MID1: variants seen among roughly 807,000 people sequenced by gnomAD.
MID1 encodes midline 1.
MID1 carries 7 observed loss-of-function variants against 40.4 expected under a neutral mutation model. The ratio of observed to expected loss-of-function variants is 0.17; its 90% confidence interval spans 0.10 to 0.33. The LOEUF is 0.33. Among genes scored for constraint, MID1 ranks in the 10% least tolerant of loss-of-function variants. MID1 has a pLI of 1.00. For synonymous variants in MID1, 229 were observed against 221.2 expected, an observed-to-expected ratio of 1.04 and a Z score of -0.31; for missense variants, 367 against 558.5, an observed-to-expected ratio of 0.66 and a Z score of 3.46.
At chrX:10,752,770 C>T (rs902371103) in intron 1 of MID1, among the ~76,000 whole-genome samples, 1 of 111,863 alleles carries the variant, frequency 8.9e-6, no homozygotes, top group African/African-American at 3.3e-5. Context: ...AGAGTCTTGA[C>T]CCTACTATGG....
At position 10,634,369 on chromosome X, in the gene MID1, G is replaced by A. The variant is rs1268546707; in HGVS notation, c.-186-13950C>T. 2.7e-5 allele frequency among the ~76,000 whole-genome samples: 3 copies of A among 111,539 alleles called. No homozygotes were observed. In the East Asian group the frequency reaches 8.4e-4, roughly 31 times the overall value. Reference sequence around the variant, plus strand: ...CATTTTACTGGAAATAAGCATATAAGTTGTAAAGTTTTTAAAAAGCCCCTT... The same window carrying A: ...CATTTTACTGGAAATAAGCATATAAATTGTAAAGTTTTTAAAAAGCCCCTT... On this transcript the variant is annotated intron_variant, in intron 1 of 10. Transcript: ENST00000380785.
chrX:10,799,159 G>A (rs1419930607), intron 1 of MID1, among the ~76,000 whole-genome samples: 2 of 111,432 alleles, frequency 1.8e-5, no homozygotes, highest in African/African-American at 3.3e-5. Flanking sequence ...CACCTGGCAG[G>A]CCACCAGTGC....
At chrX:10,702,952 C>T (rs913814791) in intron 1 of MID1, among the ~76,000 whole-genome samples, 4 of 111,625 alleles carry the variant, frequency 3.6e-5, no homozygotes, top group African/African-American at 6.5e-5. Flanking sequence ...GAGGCTGCAG[C>T]GAGCCAGGAA....
At chrX:10,709,225 AC>A (rs751081639) in intron 1 of MID1, among the ~76,000 whole-genome samples, 37 of 112,435 alleles carry the variant, frequency 3.3e-4, no homozygotes, top group Middle Eastern at 4.6e-3. Context: ...GAAGTTTTTA[AC>A]CTAAAAGTTG....
chrX:10,471,950 G>GA (rs111337485), intron 6 of MID1, among the ~76,000 whole-genome samples: 6,529 of 108,548 alleles, frequency 0.06, 387 homozygotes, highest in African/African-American at 0.18. Context: ...CATGTCATAG[G>GA]AAAAAAAAAA....
At chrX:10,516,116 T>C (rs140750430) in intron 3 of MID1, among the ~76,000 whole-genome samples, 3,282 of 108,108 alleles carry the variant, frequency 0.03, 80 homozygotes, top group African/African-American at 0.076. Context: ...GAAAACAAAA[T>C]AGAGTGGTTG....
chrX:10,729,994 G>T, intron 1 of MID1, among the ~76,000 whole-genome samples: 1 of 108,848 alleles, frequency 9.2e-6, no homozygotes, highest in Non-Finnish European at 1.9e-5. Flanking sequence ...TGAGGCGAGA[G>T]AATGGCGTGA....
chrX:10,527,620 C>T (rs1602351544), intron 2 of MID1, among the ~76,000 whole-genome samples: 1 of 111,270 alleles, frequency 9.0e-6, no homozygotes, highest in Middle Eastern at 4.6e-3. Context: ...CTTTTCACCC[C>T]AGGGCCTTAC....
chrX:10,816,326 T>A (rs1054539896), intron 1 of MID1, among the ~76,000 whole-genome samples: 1 of 112,208 alleles, frequency 8.9e-6, no homozygotes, highest in East Asian at 2.8e-4. Flanking sequence ...CTTCACGCAT[T>A]CACTGTTTGT....
chrX:10,501,038 C>T (rs914145018), intron 3 of MID1, among the ~76,000 whole-genome samples: 1 of 111,724 alleles, frequency 9.0e-6, no homozygotes, highest in African/African-American at 3.3e-5. Context: ...TGGCCGGGCG[C>T]GGTGGCTCAC....
At chrX:10,737,854 A>C (rs919139665) in intron 1 of MID1, among the ~76,000 whole-genome samples, 4 of 111,254 alleles carry the variant, frequency 3.6e-5, no homozygotes, top group African/African-American at 1.3e-4. Flanking sequence ...TGAGGAGACA[A>C]GAATACTCTT....
chrX:10,544,368 G>A (rs1164399625), intron 2 of MID1, among the ~76,000 whole-genome samples: 2 of 111,593 alleles, frequency 1.8e-5, no homozygotes, highest in African/African-American at 3.3e-5. Flanking sequence ...TTATCTAAGT[G>A]ATACTGGTTA....
chrX:10,792,608 A>C (rs779018586), intron 1 of MID1, among the ~76,000 whole-genome samples: 3 of 112,106 alleles, frequency 2.7e-5, no homozygotes, highest in African/African-American at 9.7e-5. Flanking sequence ...GAACCTTGAA[A>C]ACATGCTAAA....
intron 1 of MID1, among the ~76,000 whole-genome samples, chrX:10,679,349 A>G (rs1213222336): frequency 9.0e-6 from 1 of 111,658 alleles, no homozygotes; most frequent in Non-Finnish European, 1.9e-5. Context: ...ATAAGAATCT[A>G]ATAAAGATAG....
At chrX:10,453,151 A>G in intron 9 of MID1, among the ~76,000 whole-genome samples, 1 of 111,576 alleles carries the variant, frequency 9.0e-6, no homozygotes, top group South Asian at 3.8e-4. Context: ...AAACTCTTCT[A>G]GGCAAAGAGA....
At chrX:10,767,419 C>G (rs1000759419) in intron 1 of MID1, among the ~76,000 whole-genome samples, 1 of 110,787 alleles carries the variant, frequency 9.0e-6, no homozygotes, top group Non-Finnish European at 1.9e-5. Context: ...CTCCCAGGTT[C>G]ATGCCATTCT....
intron 1 of MID1, among the ~76,000 whole-genome samples, chrX:10,723,150 C>A (rs2043368933): frequency 8.9e-6 from 1 of 112,118 alleles, no homozygotes; most frequent in Non-Finnish European, 1.9e-5. Flanking sequence ...TCTGAGTTGA[C>A]AGTGGAATCT....
intron 1 of MID1, among the ~76,000 whole-genome samples, chrX:10,789,250 T>G (rs745913429): frequency 3.6e-5 from 4 of 112,000 alleles, no homozygotes; most frequent in African/African-American, 1.3e-4. Context: ...AATTTACAAT[T>G]ATATGACAAT....
At chrX:10,614,813 C>A (rs993102692) in intron 1 of MID1, among the ~76,000 whole-genome samples, 4 of 112,185 alleles carry the variant, frequency 3.6e-5, no homozygotes, top group African/African-American at 1.3e-4. Flanking sequence ...TATGCCAATT[C>A]TTTCTCCTTC....
Sources: gnomAD v4.1 joint callset for allele counts (sites outside exome capture counted in the v4.1 genomes callset) on GRCh38, gnomAD v4.1.1 for gene constraint, MANE v1.5 for transcripts, NCBI Gene and HGNC (gene_info 2026-07-23, HGNC 2026-07-21) for gene names.